Variants in CCSER1 observed in about 807,000 individuals in gnomAD.
CCSER1 encodes the protein coiled-coil serine rich protein 1.
A neutral mutation model predicts 82.0 loss-of-function variants in CCSER1; 41 were observed. The observed-to-expected ratio is 0.50, with a 90% CI of 0.39 to 0.65. The LOEUF (loss-of-function observed/expected upper bound fraction) is 0.65, where lower values mean the gene tolerates loss of function less well. Among genes scored for constraint, CCSER1 ranks in the 30% least tolerant of loss-of-function variants. The probability of loss-of-function intolerance (pLI) is 0.00; values close to 1 mark genes in which losing one functional copy is unlikely to be tolerated. For synonymous variants in CCSER1, 414 were observed against 383.9 expected (o/e 1.08, Z -0.92); for missense variants, 1,119 against 1,064.2 (o/e 1.05, Z -0.72).
intron 8 of CCSER1, among the ~76,000 whole-genome samples, chr4:90,845,690 A>G (rs1402551891): frequency 2.0e-5 from 3 of 152,082 alleles, no homozygotes; most frequent in African/African-American, 7.2e-5. Flanking sequence ...CATATTAAAT[A>G]TATTTGTTAG....
intron 6 of CCSER1, among the ~76,000 whole-genome samples, chr4:90,670,709 T>C (rs149840704): frequency 7.0e-4 from 106 of 152,188 alleles, no homozygotes; most frequent in African/African-American, 2.3e-3. Flanking sequence ...CATAGACATA[T>C]TTAATTTAAT....
chr4:91,050,851 T>G (rs915318114), intron 9 of CCSER1, among the ~76,000 whole-genome samples: 2 of 152,234 alleles, frequency 1.3e-5, no homozygotes, highest in Non-Finnish European at 1.5e-5. Flanking sequence ...CAAGTTTCTT[T>G]GCCTAATTTT....
At chr4:90,772,518 G>A (rs1029020231) in intron 7 of CCSER1, among the ~76,000 whole-genome samples, 3 of 152,040 alleles carry the variant, frequency 2.0e-5, no homozygotes, top group African/African-American at 7.2e-5. Context: ...AGTGTCATTC[G>A]AAAAACTAAC....
chr4:90,288,088 C>T (rs183706356), intron 1 of CCSER1, among the ~76,000 whole-genome samples: 396 of 152,078 alleles, frequency 2.6e-3, no homozygotes, highest in Non-Finnish European at 4.6e-3. Context: ...CTGTACCATG[C>T]TATTTAAGCG....
chr4:91,198,410 T>C (rs1735626035), intron 10 of CCSER1, among the ~76,000 whole-genome samples: 1 of 152,204 alleles, frequency 6.6e-6, no homozygotes, highest in Admixed American at 6.5e-5. Context: ...AAAGCAGTTA[T>C]TTCATCAGGG....
At chr4:90,318,209 T>C (rs1736515941) in intron 3 of CCSER1, among the ~76,000 whole-genome samples, 1 of 152,232 alleles carries the variant, frequency 6.6e-6, no homozygotes, top group Admixed American at 6.5e-5. Context: ...TAGAATATTC[T>C]CTCTTCCTTA....
chr4:91,028,312 T>C (rs1353601609), intron 9 of CCSER1, among the ~76,000 whole-genome samples: 2 of 151,992 alleles, frequency 1.3e-5, no homozygotes, highest in Non-Finnish European at 2.9e-5. Context: ...TGCCCTTATA[T>C]ATTGGCATTC....
intron 10 of CCSER1, among the ~76,000 whole-genome samples, chr4:91,175,006 T>A (rs188778486): frequency 6.6e-6 from 1 of 152,284 alleles, no homozygotes; most frequent in Non-Finnish European, 1.5e-5. Context: ...CAGTGTGTGA[T>A]GTTCCCCATC....
At chr4:90,685,349 C>A (rs1474901456) in intron 6 of CCSER1, among the ~76,000 whole-genome samples, 1 of 152,044 alleles carries the variant, frequency 6.6e-6, no homozygotes, top group Non-Finnish European at 1.5e-5. Context: ...AGGAAATTTT[C>A]CTGTGACCCT....
At chr4:91,309,215 G>T (rs1745276893) in intron 10 of CCSER1, among the ~76,000 whole-genome samples, 1 of 152,018 alleles carries the variant, frequency 6.6e-6, no homozygotes, top group South Asian at 2.1e-4. Flanking sequence ...AGACATTGGA[G>T]CACATGCAGA....
intron 7 of CCSER1, among the ~76,000 whole-genome samples, chr4:90,765,683 A>G (rs1218620032): frequency 2.0e-5 from 3 of 152,140 alleles, no homozygotes. Flanking sequence ...TTGTTTCAGG[A>G]AACTGCAGAC....
intron 1 of CCSER1, among the ~76,000 whole-genome samples, chr4:90,217,441 G>T (rs904057240): frequency 2.0e-5 from 3 of 151,976 alleles, no homozygotes; most frequent in African/African-American, 4.8e-5. Flanking sequence ...CTTGTATTCC[G>T]CCCGCCTCGG....
chr4:91,269,601 C>A (rs1295951855), intron 10 of CCSER1, among the ~76,000 whole-genome samples: 1 of 152,020 alleles, frequency 6.6e-6, no homozygotes, highest in Non-Finnish European at 1.5e-5. Flanking sequence ...TAACTAAATC[C>A]TACATTTCCA....
rs555304122 is a variant in CCSER1, at chr4:91,120,292, T to A, written c.2217+34298T>A. 4.6e-5 allele frequency among the ~76,000 whole-genome samples: 7 copies of A among 152,130 alleles called. No individual in the cohort carries two copies. In the South Asian group the frequency reaches 1.5e-3, roughly 32 times the overall value. Reference sequence around the variant, plus strand: ...GTTGGAGCAAAGTGTGGCTGTGGTTTATGGAAGTAATTGCATGAGACAAAG... The same window carrying A: ...GTTGGAGCAAAGTGTGGCTGTGGTTAATGGAAGTAATTGCATGAGACAAAG... On this transcript the variant is annotated intron_variant, in intron 10 of 10. Transcript: ENST00000509176.
At chr4:91,086,969 T>C (rs1039838565) in intron 10 of CCSER1, among the ~76,000 whole-genome samples, 4 of 152,116 alleles carry the variant, frequency 2.6e-5, no homozygotes, top group Admixed American at 2.0e-4. Context: ...GAAACATAGA[T>C]AAATCTTTAG....
At chr4:91,555,825 C>T (rs79512464) in intron 10 of CCSER1, among the ~76,000 whole-genome samples, 1,618 of 151,160 alleles carry the variant, frequency 0.011, 46 homozygotes, top group African/African-American at 0.037. Flanking sequence ...GAGCATGTTT[C>T]ATCAGAAAGG....
intron 10 of CCSER1, among the ~76,000 whole-genome samples, chr4:91,131,257 T>G (rs1323091574): frequency 6.6e-6 from 1 of 151,918 alleles, no homozygotes; most frequent in Non-Finnish European, 1.5e-5. Context: ...CAATATAGGA[T>G]CAAATTAAGG....
At chr4:91,437,912 G>A (rs571839315) in intron 10 of CCSER1, among the ~76,000 whole-genome samples, 1 of 152,340 alleles carries the variant, frequency 6.6e-6, no homozygotes, top group Admixed American at 6.5e-5. Flanking sequence ...CTGCAAGGCA[G>A]CAGCGAGGCA....
At chr4:91,520,392 C>A (rs1484268962) in intron 10 of CCSER1, among the ~76,000 whole-genome samples, 3 of 151,720 alleles carry the variant, frequency 2.0e-5, no homozygotes, top group Admixed American at 2.0e-4. Context: ...GCCTGAGACA[C>A]TGTGGCTCCC....
Sources: allele counts gnomAD v4.1 joint callset (sites outside exome capture counted in the v4.1 genomes callset), GRCh38; gene constraint gnomAD v4.1.1; transcripts MANE v1.5; gene names NCBI Gene and HGNC (gene_info 2026-07-23, HGNC 2026-07-21).